The following PLAC1 variants were observed in gnomAD, a reference collection of about 807,000 sequenced individuals.
The protein encoded by PLAC1 is placenta associated 1.
For missense variants in PLAC1, 136 were observed against 163.2 expected, an observed-to-expected ratio of 0.83 and a Z score of 0.91; for synonymous variants, 68 against 62.1, an observed-to-expected ratio of 1.09 and a Z score of -0.44.
chrX:134,763,254 T>C (rs182639313), intron 1 of PLAC1, among the ~76,000 whole-genome samples: 2 of 111,878 alleles, frequency 1.8e-5, no homozygotes, highest in Admixed American at 1.9e-4. Context: ...CACCCCAGAC[T>C]ACTTCAGTAG....
intron 1 of PLAC1, among the ~76,000 whole-genome samples, chrX:134,756,884 T>A (rs947042235): frequency 9.0e-6 from 1 of 111,470 alleles, no homozygotes; most frequent in Non-Finnish European, 1.9e-5. Flanking sequence ...CATATATACT[T>A]GGGTCTATTT....
intron 2 of PLAC1, among the ~76,000 whole-genome samples, chrX:134,730,548 G>A (rs980460119): frequency 4.5e-5 from 5 of 110,837 alleles, no homozygotes; most frequent in African/African-American, 9.8e-5. Flanking sequence ...GGGCTCAAGC[G>A]ATCCTCCCGC....
At chrX:134,650,956 T>G in intron 1 of PLAC1, 1 of 219,158 alleles carries the variant, frequency 4.6e-6, no homozygotes. Context: ...CTCAGGGAGC[T>G]GAATATCACA....
chrX:134,732,632 C>G (rs1399404167), intron 2 of PLAC1, among the ~76,000 whole-genome samples: 4 of 112,139 alleles, frequency 3.6e-5, no homozygotes, highest in Admixed American at 2.8e-4. Flanking sequence ...AAAGCAATGA[C>G]TGAGGTTTGG....
intron 2 of PLAC1, among the ~76,000 whole-genome samples, chrX:134,698,449 C>T (rs1014820816): frequency 9.0e-6 from 1 of 111,532 alleles, no homozygotes; most frequent in African/African-American, 3.3e-5. Context: ...GCAAAAACTC[C>T]GTCTCAAAAA....
At chrX:134,570,442 C>T (rs777839063) in intron 2 of PLAC1, among the ~76,000 whole-genome samples, 8 of 111,112 alleles carry the variant, frequency 7.2e-5, no homozygotes, top group Admixed American at 1.9e-4. Context: ...TTAGAGCTGA[C>T]GTGGAGTTGG....
In PLAC1 at chrX:134,571,789, C is replaced by T. The variant is rs145092731; in HGVS notation, c.-58-5049G>A. On this transcript the variant is annotated intron_variant, in intron 2 of 2. Transcript: ENST00000359237. ...TTTGCCTCCCCATCTCCTCTGATGT[C>T]GTTAGAGACACGTATGAACTCTTTG... Among the ~76,000 whole-genome samples, 765 of 111,373 alleles carry T rather than the reference C, an allele frequency of 6.9e-3. 4 individuals are homozygous for T. The highest frequency in any genetic ancestry group is 0.011 in the Non-Finnish European group (605 of 53,057).
chrX:134,671,770 A>G (rs2147811051), intron 2 of PLAC1, among the ~76,000 whole-genome samples: 1 of 112,051 alleles, frequency 8.9e-6, no homozygotes, highest in Admixed American at 9.5e-5. Context: ...CAGAGACACA[A>G]ATCCAAACCA....
In PLAC1 at chrX:134,574,395, G is replaced by T. The variant is rs140551280; in HGVS notation, c.-58-7655C>A. 5.0e-3 allele frequency among the ~76,000 whole-genome samples: 565 copies of T among 112,147 alleles called. 7 individuals are homozygous for T. Among genetic ancestry groups the T allele is most frequent in the African/African-American group, 0.016 (500 of 30,850 alleles). On this transcript the variant is annotated intron_variant, in intron 2 of 2. Transcript: ENST00000359237. ...GTCCAGCCCCTAAGGGCCTGAATCTGGTTATTGGCTAACCCCTTCCCCCAC... is the reference window on the plus strand; with the variant it reads ...GTCCAGCCCCTAAGGGCCTGAATCTTGTTATTGGCTAACCCCTTCCCCCAC...
At chrX:134,622,690 G>A (rs906733042) in intron 1 of PLAC1, among the ~76,000 whole-genome samples, 2 of 111,827 alleles carry the variant, frequency 1.8e-5, no homozygotes, top group Admixed American at 1.9e-4. Context: ...AAGCTGTGTT[G>A]GCCTAAGATT....
chrX:134,709,451 C>A (rs2078621106), intron 2 of PLAC1, among the ~76,000 whole-genome samples: 1 of 111,446 alleles, frequency 9.0e-6, no homozygotes, highest in African/African-American at 3.3e-5. Flanking sequence ...AATGGTGAAA[C>A]CTGGTTTCTA....
chrX:134,575,532 G>A (rs967503388), intron 2 of PLAC1, among the ~76,000 whole-genome samples: 1 of 109,610 alleles, frequency 9.1e-6, no homozygotes, highest in Non-Finnish European at 1.9e-5. Flanking sequence ...CACTTTAGGA[G>A]GCCAAGGCGG....
At chrX:134,708,135 G>C (rs2078613123) in intron 2 of PLAC1, among the ~76,000 whole-genome samples, 2 of 112,022 alleles carry the variant, frequency 1.8e-5, no homozygotes, top group Admixed American at 9.5e-5. Flanking sequence ...CTCAACAAGT[G>C]AACGGGTTCG....
intron 1 of PLAC1, among the ~76,000 whole-genome samples, chrX:134,745,346 C>T (rs2078726782): frequency 1.8e-5 from 2 of 111,474 alleles, no homozygotes; most frequent in African/African-American, 3.3e-5. Context: ...ATCCTTGTAG[C>T]GAGGTATAGC....
At chrX:134,751,817 C>T (rs2078745589) in intron 1 of PLAC1, among the ~76,000 whole-genome samples, 1 of 112,218 alleles carries the variant, frequency 8.9e-6, no homozygotes, top group Non-Finnish European at 1.9e-5. Flanking sequence ...TTGCCTTTAA[C>T]TATCTGCTCT....
At chrX:134,697,108 T>C (rs1372654600) in intron 2 of PLAC1, among the ~76,000 whole-genome samples, 2 of 111,015 alleles carry the variant, frequency 1.8e-5, no homozygotes, top group African/African-American at 6.6e-5. Flanking sequence ...TCTTTCTTTC[T>C]CACAGTTGCT....
chrX:134,596,634 A>G (rs1371001005), intron 2 of PLAC1, among the ~76,000 whole-genome samples: 1 of 111,246 alleles, frequency 9.0e-6, no homozygotes, highest in Admixed American at 9.6e-5. Flanking sequence ...TCACTCTGTG[A>G]CTCAGGCTGA....
intron 1 of PLAC1, among the ~76,000 whole-genome samples, chrX:134,651,996 ATCC>A (rs2078365891): frequency 8.9e-6 from 1 of 111,762 alleles, no homozygotes; most frequent in African/African-American, 3.3e-5. Flanking sequence ...GTGTATGAGT[ATCC>A]CAGACGACTG....
At chrX:134,576,780 G>T (rs1284427221) in intron 2 of PLAC1, among the ~76,000 whole-genome samples, 1 of 110,851 alleles carries the variant, frequency 9.0e-6, no homozygotes, top group African/African-American at 3.3e-5. Context: ...GCGGCCATGT[G>T]CATCACTCCA....
Sources: allele counts gnomAD v4.1 joint callset (sites outside exome capture counted in the v4.1 genomes callset), GRCh38; gene constraint gnomAD v4.1.1; transcripts MANE v1.5; gene names NCBI Gene and HGNC (gene_info 2026-07-23, HGNC 2026-07-21).